The following ANKFN1 variants were observed in gnomAD, a reference collection of about 807,000 sequenced individuals.
The protein encoded by ANKFN1 is ankyrin repeat and fibronectin type III domain containing 1.
Under a neutral mutation model 108.7 loss-of-function variants are expected in ANKFN1, and 74 were observed. The observed-to-expected ratio is 0.68, with a 90% confidence interval of 0.56 to 0.83. The LOEUF is 0.83. Among genes scored for constraint, ANKFN1 ranks in the 40% least tolerant of loss-of-function variants. The pLI is 0.00. For synonymous variants in ANKFN1, 547 were observed against 516.2 expected (o/e 1.06, Z -0.81); for missense variants, 1,505 against 1,382.3 (o/e 1.09, Z -1.41).
At chr17:56,434,335 T>C (rs2048860121) in intron 8 of ANKFN1, among the ~76,000 whole-genome samples, 1 of 149,850 alleles carries the variant, frequency 6.7e-6, no homozygotes, top group Non-Finnish European at 1.5e-5. Context: ...AACTTTGCTT[T>C]AATCTTCTAG....
At chr17:56,495,832 T>C (rs900797105) in intron 19 of ANKFN1, among the ~76,000 whole-genome samples, 3 of 152,152 alleles carry the variant, frequency 2.0e-5, no homozygotes, top group African/African-American at 7.2e-5. Flanking sequence ...AGCTGTGCTG[T>C]GAGAAAACCA....
intron 4 of ANKFN1, among the ~76,000 whole-genome samples, chr17:56,129,742 C>T (rs980141406): frequency 1.3e-5 from 2 of 152,122 alleles, no homozygotes; most frequent in African/African-American, 4.8e-5. Flanking sequence ...AGTATGGAGC[C>T]AGCCTATTAA....
At chr17:56,467,248 A>ATG (rs2050107387) in intron 15 of ANKFN1, among the ~76,000 whole-genome samples, 2 of 151,828 alleles carry the variant, frequency 1.3e-5, no homozygotes, top group South Asian at 2.1e-4. Flanking sequence ...TTGTATATAT[A>ATG]TGTGTGCATG....
intron 18 of ANKFN1, among the ~76,000 whole-genome samples, chr17:56,484,635 C>T (rs552075822): frequency 4.6e-5 from 7 of 152,200 alleles, no homozygotes; most frequent in Non-Finnish European, 8.8e-5. Flanking sequence ...GCAGTAGAAA[C>T]GCAGGAGAGA....
chr17:56,051,399 G>A, intron 4 of ANKFN1, among the ~76,000 whole-genome samples: 1 of 130,694 alleles, frequency 7.7e-6, no homozygotes, highest in African/African-American at 3.0e-5. Flanking sequence ...CAATAAATTA[G>A]GTATTGATGG....
chr17:56,382,697 G>A (rs1567960284), intron 8 of ANKFN1, among the ~76,000 whole-genome samples: 2 of 152,130 alleles, frequency 1.3e-5, no homozygotes, highest in Non-Finnish European at 1.5e-5. Context: ...TGATAAAACT[G>A]ACTTTAAACC....
chr17:56,326,345 A>G lies in ANKFN1; in HGVS notation c.178A>G (p.Ser60Gly). 6.2e-7 allele frequency: 1 copy of G among 1,609,272 alleles called. No homozygotes were observed. Among genetic ancestry groups the G allele is most frequent in the Non-Finnish European group, 8.5e-7 (1 of 1,178,652 alleles). The change falls in exon 4 of 21, where the codon AGC becomes GGC. Residue 60 changes from serine (S) to glycine (G), a missense_variant. By Grantham distance (56) the Ser-to-Gly change is moderately conservative. Coordinates refer to ENST00000682825, the MANE Select transcript of ANKFN1 (RefSeq NM_001370326.1). ...PTTCSSAASNSINWNCRVKMT... is the reference protein window; with the variant it reads ...PTTCSSAASNGINWNCRVKMT... ...AACTTGTTCCTCTGCTGCCTCGAAC[A>G]GCATAAACTGGTAAGTCAAATTTAC... is the stretch of plus-strand genomic sequence containing the variant.
intron 6 of ANKFN1, among the ~76,000 whole-genome samples, chr17:56,357,748 G>T (rs957989884): frequency 1.3e-5 from 2 of 152,142 alleles, no homozygotes; most frequent in Non-Finnish European, 2.9e-5. Context: ...GCAAACACCT[G>T]CCGTAAACTG....
intron 4 of ANKFN1, among the ~76,000 whole-genome samples, chr17:56,344,293 G>A (rs2046038462): frequency 1.3e-5 from 2 of 152,188 alleles, no homozygotes; most frequent in South Asian, 4.1e-4. Context: ...TGTGGCCACT[G>A]AAGTTGCTAC....
rs550947155 is a variant in ANKFN1, at chr17:56,398,320, G to A, written c.910+23606G>A. Among the ~76,000 whole-genome samples the A allele has an allele frequency of 1.8e-4, 27 of 152,168 alleles. 1 individual carries two copies. The highest frequency in any genetic ancestry group is 6.3e-4 in the African/African-American group (26 of 41,528). On this transcript the variant is annotated intron_variant, in intron 8 of 20. Transcript: ENST00000682825. Reference sequence around the variant, plus strand: ...GTGCCTGTGAACATGGATATGATTAGTCTCAGTAAAGAAAACACATTGTTT... The same window carrying A: ...GTGCCTGTGAACATGGATATGATTAATCTCAGTAAAGAAAACACATTGTTT...
chr17:56,394,754 G>A (rs769420598), intron 8 of ANKFN1, among the ~76,000 whole-genome samples: 5 of 152,182 alleles, frequency 3.3e-5, no homozygotes, highest in Admixed American at 1.3e-4. Context: ...AACTGGACAC[G>A]CAGCTGGCAC....
chr17:56,144,185 A>ACTCCT (rs1555600057), intron 4 of ANKFN1, among the ~76,000 whole-genome samples: 1 of 99,244 alleles, frequency 1.0e-5, no homozygotes, highest in Non-Finnish European at 2.1e-5. Context: ...AAAAAAAAAA[A>ACTCCT]CAGCCCAAAC....
chr17:56,078,061 C>T (rs954527324), intron 4 of ANKFN1, among the ~76,000 whole-genome samples: 20 of 152,064 alleles, frequency 1.3e-4, no homozygotes, highest in Middle Eastern at 3.2e-3. Context: ...TTTGTTGTAG[C>T]GGGCAGTAAA....
At chr17:56,080,944 C>T (rs565457489) in intron 4 of ANKFN1, among the ~76,000 whole-genome samples, 1 of 152,184 alleles carries the variant, frequency 6.6e-6, no homozygotes, top group Admixed American at 6.5e-5. Flanking sequence ...AGAAACTGCC[C>T]TCTGTCAAAG....
chr17:56,315,239 T>TTC (rs148842608), intron 3 of ANKFN1, among the ~76,000 whole-genome samples: 4 of 151,746 alleles, frequency 2.6e-5, no homozygotes, highest in Non-Finnish European at 4.4e-5. Context: ...GCATGATTCA[T>TTC]TCTCTCTCTC....
At chr17:56,128,218 C>G (rs1907051519) in intron 4 of ANKFN1, among the ~76,000 whole-genome samples, 1 of 146,590 alleles carries the variant, frequency 6.8e-6, no homozygotes, top group Admixed American at 6.9e-5. Flanking sequence ...TACCTCCCTC[C>G]TGGAAGCCAA....
intron 2 of ANKFN1, among the ~76,000 whole-genome samples, chr17:56,223,186 G>A (rs1567847733): frequency 6.6e-6 from 1 of 152,136 alleles, no homozygotes; most frequent in Non-Finnish European, 1.5e-5. Flanking sequence ...ATATGCTTAT[G>A]CTTTCATAAG....
intron 18 of ANKFN1, 38 bp from the exon 19 acceptor site, chr17:56,492,149 G>T (rs2051059864): frequency 2.9e-6 from 2 of 684,046 alleles, no homozygotes; most frequent in Non-Finnish European, 2.7e-6. Context: ...TTTGATACCA[G>T]ATCTTAACAT....
intron 3 of ANKFN1, among the ~76,000 whole-genome samples, chr17:56,303,548 G>A (rs1403773146): frequency 2.6e-5 from 4 of 152,156 alleles, no homozygotes; most frequent in African/African-American, 9.7e-5. Context: ...GTTAAAGGAG[G>A]TTAAACCAGA....
Sources: gnomAD v4.1 joint callset for allele counts (sites outside exome capture counted in the v4.1 genomes callset) on GRCh38, gnomAD v4.1.1 for gene constraint, MANE v1.5 for transcripts, NCBI Gene and HGNC (gene_info 2026-07-23, HGNC 2026-07-21) for gene names.